CD163L1: variants seen among roughly 807,000 people sequenced by gnomAD.
The protein encoded by CD163L1 is scavenger receptor cysteine-rich type 1 protein M160.
Under a neutral mutation model 165.4 loss-of-function variants are expected in CD163L1, and 124 were observed. That is an observed-to-expected ratio of 0.75 (90% CI 0.65 to 0.87). The LOEUF (loss-of-function observed/expected upper bound fraction) is 0.87, where lower values mean the gene tolerates loss of function less well. Among genes scored for constraint, CD163L1 ranks in the 40% least tolerant of loss-of-function variants. The pLI is 0.00. For synonymous variants in CD163L1, 585 were observed against 662.2 expected (o/e 0.88, Z 1.79); for missense variants, 1,525 against 1,799.9 (o/e 0.85, Z 2.76).
the CD163L1 span, among the ~76,000 whole-genome samples, chr12:7,332,689 C>T: frequency 6.6e-6 from 1 of 152,174 alleles, no homozygotes; most frequent in Non-Finnish European, 1.5e-5. Context: ...AACTAAGCTT[C>T]ATAAGTGAAG....
intron 4 of CD163L1, among the ~76,000 whole-genome samples, chr12:7,425,223 A>T (rs941624987): frequency 6.6e-6 from 1 of 152,216 alleles, no homozygotes; most frequent in Non-Finnish European, 1.5e-5. Flanking sequence ...GACAAAAACA[A>T]GCAATGGGGA....
chr12:7,406,000 A>G (rs1948007658), intron 5 of CD163L1, among the ~76,000 whole-genome samples: 1 of 152,228 alleles, frequency 6.6e-6, no homozygotes, highest in Non-Finnish European at 1.5e-5. Flanking sequence ...GTTGCAAACT[A>G]GAAAACAAAT....
intron 4 of CD163L1, among the ~76,000 whole-genome samples, chr12:7,421,130 C>T (rs1218307562): frequency 3.6e-3 from 23 of 6,396 alleles, no homozygotes; most frequent in South Asian, 5.5e-3. Flanking sequence ...TGTATATATA[C>T]GTATATATGT....
chr12:7,355,102 G>A lies in CD163L1; in HGVS notation c.*53C>T, dbSNP rs1307466117. ...CCTCTTTATTCATTTAAAAGTTGTT[G>A]TCTCCTTCAAAGATATTTAGAGGTT... On this transcript the variant is annotated 3_prime_UTR_variant, in exon 20 of 20. Transcript: ENST00000313599. The A allele has an allele frequency of 6.6e-6, 1 of 152,030 alleles. No individual in the cohort carries two copies. The highest frequency in any genetic ancestry group is 1.5e-5 in the Non-Finnish European group (1 of 67,984). The allele number at this position is 152,030 out of a possible 1,614,324, so 9.4% of individuals were successfully genotyped here.
In CD163L1 at chr12:7,406,976, T is replaced by C. The variant is rs1948034947; in HGVS notation, c.767-124A>G. ...TTGAGATTCAATGAATGTCTAACTCTTGCTTTTTAAAATTCTTGTACAAGT... is the reference window on the plus strand; with the variant it reads ...TTGAGATTCAATGAATGTCTAACTCCTGCTTTTTAAAATTCTTGTACAAGT... On this transcript the variant is annotated intron_variant, in intron 4 of 19. Coordinates refer to ENST00000313599, the MANE Select transcript of CD163L1 (RefSeq NM_174941.6). The C allele has an allele frequency of 3.3e-6, 3 of 899,540 alleles. No homozygotes were observed. The South Asian group carries it at 5.0e-5, about 15-fold the overall frequency. 55.7% of individuals were successfully genotyped at this position (899,540 alleles called of 1,614,324 possible).
At chr12:7,419,487 A>G (rs1293143719) in intron 4 of CD163L1, among the ~76,000 whole-genome samples, 1 of 152,060 alleles carries the variant, frequency 6.6e-6, no homozygotes, top group African/African-American at 2.4e-5. Flanking sequence ...TATTGAACAT[A>G]GTACTGAAAG....
At chr12:7,415,293 C>T (rs1157970523) in intron 4 of CD163L1, among the ~76,000 whole-genome samples, 1 of 151,162 alleles carries the variant, frequency 6.6e-6, no homozygotes, top group African/African-American at 2.4e-5. Flanking sequence ...TTGTGGTAAA[C>T]ATAAAAGAAA....
Position 7,406,624 on chromosome 12 carries a change from G to A in CD163L1, c.995C>T (p.Ser332Phe), listed in dbSNP as rs766905869. 7 of 1,613,948 alleles carry A rather than the reference G, an allele frequency of 4.3e-6. No individual in the cohort carries two copies. The highest frequency in any genetic ancestry group is 5.9e-6 in the Non-Finnish European group (7 of 1,180,002). The change falls in exon 5 of 20, where the codon TCC (serine) becomes TTC (phenylalanine). Residue 332 changes from serine to phenylalanine, a missense_variant. Physicochemically the swap from Ser to Phe is radical, Grantham distance 155 (BLOSUM62 -2). Transcript: ENST00000313599. ...DVVWLDGVSCSGNESFLWDCR... is the reference protein window; with the variant it reads ...DVVWLDGVSCFGNESFLWDCR... ...GTCCCAAAGAAAAGATTCATTACCG[G>A]AGCAGGAGACACCATCAAGCCATAC...
chr12:7,349,600 C>T (rs557462163), intron 4 of CD163L1, among the ~76,000 whole-genome samples: 25 of 152,302 alleles, frequency 1.6e-4, no homozygotes, highest in Middle Eastern at 3.4e-3. Context: ...AGGGTCATAT[C>T]CTACAATTGT....
intron 4 of CD163L1, among the ~76,000 whole-genome samples, chr12:7,422,343 G>A (rs926863398): frequency 7.2e-5 from 11 of 152,060 alleles, no homozygotes; most frequent in South Asian, 2.1e-4. Flanking sequence ...AAAAACCAGC[G>A]CATAAATGCT....
In CD163L1 at chr12:7,368,304, T is replaced by C; in HGVS notation, c.4073-107A>G. ...CCTAGTTGCTGAGAAGAATAATGGC[T>C]ATACATTTCAACATATTCATGAACA... On this transcript the variant is annotated intron_variant, in intron 16 of 19. Coordinates refer to ENST00000313599, the MANE Select transcript of CD163L1 (RefSeq NM_174941.6). The surrounding 1 kb of genome is among the most constrained non-coding windows in gnomAD (Gnocchi z 4.3). The C allele has an allele frequency of 1.6e-6, 1 of 608,124 alleles. No individual in the cohort carries two copies. The highest frequency in any genetic ancestry group is 2.9e-6 in the Non-Finnish European group (1 of 340,730). The allele number at this position is 608,124 out of a possible 1,614,324, so 37.7% of individuals were successfully genotyped here. A position where few individuals can be genotyped will look rare whatever the true frequency, so the allele number is the denominator to read the frequency against.
the CD163L1 span, among the ~76,000 whole-genome samples, chr12:7,329,143 T>A: frequency 6.7e-6 from 1 of 148,564 alleles, no homozygotes; most frequent in Admixed American, 6.8e-5. Flanking sequence ...TCTATATACA[T>A]ATACATATAT....
intron 4 of CD163L1, among the ~76,000 whole-genome samples, chr12:7,407,580 GTGGT>G (rs1358516787): frequency 6.6e-6 from 1 of 150,820 alleles, no homozygotes; most frequent in Non-Finnish European, 1.5e-5. Context: ...ATCATATGTA[GTGGT>G]CAATTTTACT....
At chr12:7,362,411 GTA>G (rs1555193721) in intron 18 of CD163L1, among the ~76,000 whole-genome samples, 2 of 134,542 alleles carry the variant, frequency 1.5e-5, no homozygotes, top group Non-Finnish European at 3.1e-5. Flanking sequence ...TAATTATATA[GTA>G]TGTTATTTAT....
chr12:7,323,429 T>C, the CD163L1 span: 3 of 1,610,280 alleles, frequency 1.9e-6, no homozygotes, highest in African/African-American at 4.0e-5. Context: ...AAGAAAATTT[T>C]AAGACCATCA....
chr12:7,421,041 A>ATATATATACATATATATATATACGTG (rs1217962587), intron 4 of CD163L1, among the ~76,000 whole-genome samples: 7,445 of 108,344 alleles, frequency 0.069, 808 homozygotes, highest in African/African-American at 0.2. Context: ...ATATACGTGT[A>ATATATATACATATATATATATACGTG]TATATATGTA....
At chr12:7,328,996 A>G in the CD163L1 span, among the ~76,000 whole-genome samples, 542 of 148,346 alleles carry the variant, frequency 3.7e-3, 2 homozygotes, top group South Asian at 0.027. Context: ...ATATACACAT[A>G]TGTATATATA....
intron 8 of CD163L1, among the ~76,000 whole-genome samples, chr12:7,389,960 TTATATATATA>T (rs59235889): frequency 9.6e-5 from 13 of 135,940 alleles, no homozygotes; most frequent in African/African-American, 3.6e-4. Context: ...ATATATATAT[TTATATATATA>T]TATATATATA....
intron 1 of CD163L1, 110 bp downstream of exon 1, chr12:7,443,987 G>T: frequency 1.9e-6 from 2 of 1,050,326 alleles, no homozygotes; most frequent in Non-Finnish European, 2.8e-6. Flanking sequence ...CTCATGTCCT[G>T]TTTTCTTTTT....
Sources: gnomAD v4.1 joint callset for allele counts (sites outside exome capture counted in the v4.1 genomes callset) on GRCh38, gnomAD v4.1.1 for gene constraint, Gnocchi (gnomAD v3.1) non-coding constraint, MANE v1.5 for transcripts, NCBI Gene and HGNC (gene_info 2026-07-23, HGNC 2026-07-21) for gene names.